Variants in ENTPD1 observed in about 807,000 individuals in gnomAD.
ENTPD1 encodes the protein ATP diphosphohydrolase.
Under a neutral mutation model 57.0 loss-of-function variants are expected in ENTPD1, and 33 were observed. The ratio of observed to expected loss-of-function variants is 0.58; its 90% CI spans 0.44 to 0.77. The LOEUF is 0.77. Ranked by LOEUF, ENTPD1 falls within the 30% of genes least tolerant of loss-of-function variation. The pLI, the probability that ENTPD1 is intolerant of heterozygous loss-of-function variation, is 0.00. For synonymous variants in ENTPD1, 202 were observed against 218.8 expected (o/e 0.92, Z 0.68); for missense variants, 501 against 603.4 (o/e 0.83, Z 1.78).
rs952906291 is a variant in ENTPD1 at position 95,870,704 on chromosome 10, C to T, written c.*4321C>T. The T allele has an allele frequency of 1.2e-5, 12 of 985,426 alleles. No homozygotes were observed. Among genetic ancestry groups the T allele is most frequent in the Non-Finnish European group, 1.4e-5 (12 of 829,918 alleles). 61.0% of individuals were successfully genotyped at this position (985,426 alleles called of 1,614,324 possible). ...GAGTTTCACCCAAACTGGTCTGGCC[C>T]CTCTCTGATTCAAATACCAATAGTT... On this transcript the variant is annotated 3_prime_UTR_variant, in exon 10 of 10. Transcript: ENST00000371205.
Position 95,869,127 on chromosome 10 carries a change from T to C in ENTPD1, c.*2744T>C, listed in dbSNP as rs1374461610. ...TGGATTTTCACCCAGGACTCAAAAC[T>C]TGGTTCTGCTAACCCTGTTCCTTTA... On this transcript the variant is annotated 3_prime_UTR_variant, in exon 10 of 10. Transcript: ENST00000371205. 2 of 985,188 alleles carry C rather than the reference T, an allele frequency of 2.0e-6. No individual in the cohort carries two copies. Among genetic ancestry groups the C allele is most frequent in the Non-Finnish European group, 1.2e-6 (1 of 829,928 alleles). 61.0% of individuals were successfully genotyped at this position (985,188 alleles called of 1,614,324 possible).
intron 1 of ENTPD1, among the ~76,000 whole-genome samples, chr10:95,746,469 A>G (rs1418138137): frequency 2.6e-5 from 4 of 152,332 alleles, no homozygotes; most frequent in South Asian, 2.1e-4. Context: ...CCTTTAAAAA[A>G]AAACGTGGCT....
At position 95,872,918 on chromosome 10, in the gene ENTPD1, T is replaced by C. The variant is rs2098482077; in HGVS notation, c.*6535T>C. 8.1e-6 allele frequency: 8 copies of C among 985,352 alleles called. No homozygotes were observed. The highest frequency in any genetic ancestry group is 3.5e-5 in the African/African-American group (2 of 57,256). 61.0% of individuals were successfully genotyped at this position (985,352 alleles called of 1,614,324 possible). A position where few individuals can be genotyped will look rare whatever the true frequency, so the allele number is the denominator to read the frequency against. The stretch of plus-strand genomic sequence containing the variant: ...TTTTGGAACATGCCTTTAGTTTCTG[T>C]GTAGTTTGCCATGCAGCACTTCATT... On this transcript the variant is annotated 3_prime_UTR_variant, in exon 10 of 10. Transcript: ENST00000371205.
At chr10:95,725,910 G>C (rs192970719) in intron 1 of ENTPD1, among the ~76,000 whole-genome samples, 33 of 152,332 alleles carry the variant, frequency 2.2e-4, no homozygotes, top group African/African-American at 6.3e-4. Context: ...GGTTTTCCCT[G>C]TTCACATCTA....
chr10:95,858,227 A>C (rs767517615), intron 7 of ENTPD1, among the ~76,000 whole-genome samples: 6 of 151,552 alleles, frequency 4.0e-5, no homozygotes, highest in Admixed American at 1.3e-4. Context: ...AGAGGGTCCT[A>C]GAGACCCCTC....
chr10:95,824,316 C>T (rs190207463), intron 2 of ENTPD1, among the ~76,000 whole-genome samples: 16 of 152,258 alleles, frequency 1.1e-4, no homozygotes, highest in Admixed American at 1.0e-3. Flanking sequence ...AGTATATTCT[C>T]TTGTATTTGA....
chr10:95,735,220 G>A (rs528459393), intron 1 of ENTPD1, among the ~76,000 whole-genome samples: 5 of 152,018 alleles, frequency 3.3e-5, no homozygotes, highest in African/African-American at 9.6e-5. Flanking sequence ...TAGTAGAGAC[G>A]GGGTTTCACC....
intron 1 of ENTPD1, among the ~76,000 whole-genome samples, chr10:95,761,081 C>T (rs1183042641): frequency 2.0e-5 from 3 of 152,052 alleles, no homozygotes; most frequent in African/African-American, 7.2e-5. Context: ...CCGCCCGTCT[C>T]GGCCTCCCAG....
At chr10:95,757,404 GTC>G (rs1488182464) in intron 1 of ENTPD1, among the ~76,000 whole-genome samples, 2 of 152,068 alleles carry the variant, frequency 1.3e-5, no homozygotes, top group Non-Finnish European at 2.9e-5. Context: ...GATGGAGGTG[GTC>G]TGAGGCAGGG....
chr10:95,724,115 T>A (rs1353913820), intron 1 of ENTPD1, among the ~76,000 whole-genome samples: 1 of 137,900 alleles, frequency 7.3e-6, no homozygotes, highest in Non-Finnish European at 1.5e-5. Flanking sequence ...TGAGCCAAGA[T>A]TGCACCACTG....
chr10:95,698,985 C>G, the ENTPD1 span, among the ~76,000 whole-genome samples: 1 of 151,740 alleles, frequency 6.6e-6, no homozygotes, highest in African/African-American at 2.4e-5. Context: ...AAAAACCCAG[C>G]AAACAAAAAA....
intron 6 of ENTPD1, 81 bp from the exon 7 acceptor site, chr10:95,847,365 C>G: frequency 6.5e-7 from 1 of 1,530,140 alleles, no homozygotes. Flanking sequence ...TGTACAGTGC[C>G]TACATATTGA....
chr10:95,713,531 A>G (rs1035154374), intron 1 of ENTPD1, among the ~76,000 whole-genome samples: 6 of 152,256 alleles, frequency 3.9e-5, no homozygotes, highest in African/African-American at 1.2e-4. Context: ...GGATTTACAA[A>G]TAAGGCATTC....
intron 7 of ENTPD1, among the ~76,000 whole-genome samples, chr10:95,855,702 G>A (rs2098453346): frequency 6.6e-6 from 1 of 152,136 alleles, no homozygotes; most frequent in Non-Finnish European, 1.5e-5. Flanking sequence ...ATGAAGCTTA[G>A]GTTGGCTGGA....
the ENTPD1 span, among the ~76,000 whole-genome samples, chr10:95,700,156 G>A: frequency 6.6e-6 from 1 of 152,132 alleles, no homozygotes; most frequent in Non-Finnish European, 1.5e-5. Context: ...ATTCATGAGA[G>A]CAGAATATTT....
intron 7 of ENTPD1, among the ~76,000 whole-genome samples, chr10:95,854,304 C>G (rs958511776): frequency 1.6e-4 from 24 of 152,094 alleles, no homozygotes; most frequent in African/African-American, 5.6e-4. Flanking sequence ...TTTATTGCAT[C>G]TGTTTGATTC....
At chr10:95,810,129 C>T (rs1484413597) in intron 1 of ENTPD1, among the ~76,000 whole-genome samples, 1 of 150,042 alleles carries the variant, frequency 6.7e-6, no homozygotes, top group Non-Finnish European at 1.5e-5. Flanking sequence ...GCGCTCCTCA[C>T]CTCCCGGACG....
In ENTPD1 at chr10:95,866,813, G is replaced by C; in HGVS notation, c.*430G>C. The C allele has an allele frequency of 9.6e-7, 1 of 1,046,072 alleles. No homozygotes were observed. Among genetic ancestry groups the C allele is most frequent in the Non-Finnish European group, 1.2e-6 (1 of 866,146 alleles). 64.8% of individuals were successfully genotyped at this position (1,046,072 alleles called of 1,614,324 possible). A position where few individuals can be genotyped will look rare whatever the true frequency, so the allele number is the denominator to read the frequency against. ...CTTTAAGAACCCCTTTCTCTCTCCT[G>C]TTTGCCATCCATTAAGAAAGCCATA... is the stretch of plus-strand genomic sequence containing the variant. On this transcript the variant is annotated 3_prime_UTR_variant, in exon 10 of 10. Coordinates refer to ENST00000371205, the MANE Select transcript of ENTPD1 (RefSeq NM_001776.6).
intron 1 of ENTPD1, among the ~76,000 whole-genome samples, chr10:95,715,354 A>G (rs768979757): frequency 5.3e-5 from 8 of 151,990 alleles, no homozygotes; most frequent in African/African-American, 1.9e-4. Context: ...CATAAAGTCT[A>G]TTTCATCTTA....
Sources: gnomAD v4.1 joint callset for allele counts (sites outside exome capture counted in the v4.1 genomes callset) on GRCh38, gnomAD v4.1.1 for gene constraint, MANE v1.5 for transcripts, NCBI Gene and HGNC (gene_info 2026-07-23, HGNC 2026-07-21) for gene names.